The following HECW1 variants were observed in gnomAD, a reference collection of about 807,000 sequenced individuals.
HECW1 encodes the protein HECT, C2 and WW domain containing E3 ubiquitin protein ligase 1, also known as E3 ubiquitin-protein ligase HECW1.
Under a neutral mutation model 182.3 loss-of-function variants are expected in HECW1, and 61 were observed. The observed-to-expected ratio is 0.33, with a 90% confidence interval of 0.27 to 0.41. The LOEUF (loss-of-function observed/expected upper bound fraction) is 0.41. HECW1 is among the 10% of genes least tolerant of loss of function. The probability of loss-of-function intolerance (pLI) is 1.00; values close to 1 mark genes in which losing one functional copy is unlikely to be tolerated. For synonymous variants in HECW1, 859 were observed against 832.6 expected, an observed-to-expected ratio of 1.03 and a Z score of -0.55; for missense variants, 1,739 against 2,108.9, an observed-to-expected ratio of 0.82 and a Z score of 3.44.
At chr7:43,151,371 C>G (rs1469922603) in intron 2 of HECW1, among the ~76,000 whole-genome samples, 1 of 152,136 alleles carries the variant, frequency 6.6e-6, no homozygotes, top group South Asian at 2.1e-4. Flanking sequence ...TTACACTTTT[C>G]TTTGATAAAC....
chr7:43,373,373 G>T (rs1043270980), intron 6 of HECW1, among the ~76,000 whole-genome samples: 1 of 151,828 alleles, frequency 6.6e-6, no homozygotes, highest in Non-Finnish European at 1.5e-5. Context: ...GGCCAGGCTC[G>T]TCTCAAACTC....
Position 43,243,743 on chromosome 7 carries a change from T to A in HECW1, c.-31-132T>A, listed in dbSNP as rs1361535780. Reference sequence around the variant, plus strand: ...AGTGTGGTCCTTGTGTGATTTTTCCTTTTGCACGTCGGTTGCCCAGGCCAG... The same window carrying A: ...AGTGTGGTCCTTGTGTGATTTTTCCATTTGCACGTCGGTTGCCCAGGCCAG... On this transcript the variant is annotated intron_variant, in intron 2 of 29. Transcript: ENST00000395891. The surrounding 1 kb of genome is among the most constrained non-coding windows in gnomAD (Gnocchi z 4.0). The A allele has an allele frequency of 8.4e-6, 6 of 717,374 alleles. No homozygotes were observed. In the East Asian group the frequency reaches 1.6e-4, roughly 19 times the overall value. The allele number at this position is 717,374 out of a possible 1,614,324, so 44.4% of individuals were successfully genotyped here.
chr7:43,198,671 TCACA>T (rs906017396), intron 2 of HECW1, among the ~76,000 whole-genome samples: 315 of 133,426 alleles, frequency 2.4e-3, no homozygotes, highest in African/African-American at 8.5e-3. Context: ...ACCCCCACAC[TCACA>T]CACACACCAC....
In HECW1 at chr7:43,445,571, GTT is replaced by G; in HGVS notation, c.2398+2_2398+3del. On this transcript the variant is annotated splice_donor_variant and splice_donor_region_variant and intron_variant, in intron 11 of 29. Coordinates refer to ENST00000395891, the MANE Select transcript of HECW1 (RefSeq NM_015052.5). LOFTEE classifies it high-confidence loss of function. ...GCAGGTCCAAGCAATCGGAGAGAAG[GTT>G]AGACCTCAAACCTGATCAGAGTGAG... 1 of 1,576,218 alleles carries G rather than the reference GTT, an allele frequency of 6.3e-7. No individual in the cohort carries two copies. The highest frequency in any genetic ancestry group is 8.6e-7 in the Non-Finnish European group (1 of 1,157,376).
intron 19 of HECW1, among the ~76,000 whole-genome samples, chr7:43,494,123 C>T (rs1011386696): frequency 1.1e-4 from 16 of 152,116 alleles, no homozygotes; most frequent in African/African-American, 3.9e-4. Context: ...TTGCCACTCC[C>T]GCCAGAATGG....
intron 2 of HECW1, chr7:43,207,615 C>T (rs145200494): frequency 3.7e-4 from 56 of 152,322 alleles, no homozygotes; most frequent in African/African-American, 1.3e-3. Context: ...CAACATACCT[C>T]TCCCTATCCT....
intron 2 of HECW1, among the ~76,000 whole-genome samples, chr7:43,161,966 C>G (rs1311815265): frequency 6.6e-6 from 1 of 152,204 alleles, no homozygotes; most frequent in Non-Finnish European, 1.5e-5. Context: ...CACTATTGAA[C>G]ATGCAGATGT....
intron 4 of HECW1, among the ~76,000 whole-genome samples, chr7:43,312,929 G>A (rs1043884551): frequency 6.6e-5 from 10 of 152,230 alleles, no homozygotes; most frequent in Admixed American, 6.5e-4. Context: ...CGGGTCATCC[G>A]AGGCCAGGCC....
intron 5 of HECW1, among the ~76,000 whole-genome samples, chr7:43,346,516 C>A (rs1255088561): frequency 6.6e-6 from 1 of 152,052 alleles, no homozygotes; most frequent in African/African-American, 2.4e-5. Context: ...AGGTATTTAT[C>A]TTTGTTTTTA....
intron 2 of HECW1, among the ~76,000 whole-genome samples, chr7:43,218,921 A>G (rs373708156): frequency 4.4e-4 from 67 of 152,300 alleles, no homozygotes; most frequent in African/African-American, 1.5e-3. Context: ...GCTCCCCTGT[A>G]CAGAGACAGA....
At chr7:43,529,274 C>T (rs1489336045) in intron 24 of HECW1, among the ~76,000 whole-genome samples, 3 of 152,108 alleles carry the variant, frequency 2.0e-5, no homozygotes, top group Non-Finnish European at 2.9e-5. Flanking sequence ...CCTCCTTCAT[C>T]CCAGGCCTCC....
At position 43,322,266 on chromosome 7, in the gene HECW1, G is replaced by A. The variant is rs183770271; in HGVS notation, c.460+1524G>A. Reference sequence around the variant, plus strand: ...GTAGAGATGGGGTTTCAGAATGCTAGCCAGGCTGGTCTCGAACTCCTGACC... The same window carrying A: ...GTAGAGATGGGGTTTCAGAATGCTAACCAGGCTGGTCTCGAACTCCTGACC... On this transcript the variant is annotated intron_variant, in intron 5 of 29. Transcript: ENST00000395891. Among the ~76,000 whole-genome samples, 259 of 152,276 alleles carry A rather than the reference G, an allele frequency of 1.7e-3. 2 individuals are homozygous for A. The highest frequency in any genetic ancestry group is 5.8e-3 in the African/African-American group (242 of 41,572).
intron 2 of HECW1, among the ~76,000 whole-genome samples, chr7:43,151,509 G>T (rs1410276318): frequency 6.6e-6 from 1 of 152,178 alleles, no homozygotes; most frequent in Non-Finnish European, 1.5e-5. Flanking sequence ...AATAAAAATT[G>T]AAGAACATCT....
chr7:43,496,037 G>A (rs2079109219), intron 19 of HECW1, among the ~76,000 whole-genome samples: 1 of 151,944 alleles, frequency 6.6e-6, no homozygotes, highest in African/African-American at 2.4e-5. Context: ...TTTCCAAAAG[G>A]CAGTAGACTG....
chr7:43,367,816 A>G (rs1192961321), intron 6 of HECW1, among the ~76,000 whole-genome samples: 1 of 152,240 alleles, frequency 6.6e-6, no homozygotes, highest in East Asian at 1.9e-4. Context: ...AGATATCAAC[A>G]TAATGTATAA....
intron 8 of HECW1, among the ~76,000 whole-genome samples, chr7:43,410,681 T>C (rs529050960): frequency 1.3e-5 from 2 of 152,342 alleles, no homozygotes; most frequent in Admixed American, 6.5e-5. Context: ...AGACTTTAAA[T>C]TATGAATTTA....
At chr7:43,289,454 A>C (rs1805101461) in intron 3 of HECW1, among the ~76,000 whole-genome samples, 1 of 152,076 alleles carries the variant, frequency 6.6e-6, no homozygotes, top group Non-Finnish European at 1.5e-5. Context: ...CTCTACCCTT[A>C]CAGGGGTTGG....
chr7:43,292,586 G>T (rs533771137), intron 3 of HECW1, among the ~76,000 whole-genome samples: 1 of 152,228 alleles, frequency 6.6e-6, no homozygotes, highest in African/African-American at 2.4e-5. Flanking sequence ...GAGCCTGAGA[G>T]GGAGCTCAGG....
chr7:43,167,715 G>T (rs1791267077), intron 2 of HECW1, among the ~76,000 whole-genome samples: 1 of 152,130 alleles, frequency 6.6e-6, no homozygotes, highest in Non-Finnish European at 1.5e-5. Flanking sequence ...CACCCATGTA[G>T]GTATCTTCTA....
Sources: allele counts gnomAD v4.1 joint callset (sites outside exome capture counted in the v4.1 genomes callset), GRCh38; gene constraint gnomAD v4.1.1; non-coding constraint Gnocchi (gnomAD v3.1); transcripts MANE v1.5; gene names NCBI Gene and HGNC (gene_info 2026-07-23, HGNC 2026-07-21).